Variants in TNR observed in about 807,000 individuals in gnomAD.
The protein encoded by TNR is tenascin-R.
In TNR, 45 loss-of-function variants were observed where a neutral mutation model predicts 150.4. The ratio of observed to expected loss-of-function variants is 0.30; its 90% CI spans 0.24 to 0.38. The LOEUF is 0.38. Ranked by LOEUF, TNR falls within the 10% of genes least tolerant of loss-of-function variation. The pLI, the probability that TNR is intolerant of heterozygous loss-of-function variation, is 1.00. For synonymous variants in TNR, 687 were observed against 678.4 expected (o/e 1.01, Z -0.20); for missense variants, 1,544 against 1,759.1 (o/e 0.88, Z 2.19).
intron 2 of TNR, among the ~76,000 whole-genome samples, chr1:175,459,516 A>T (rs1018291878): frequency 1.3e-5 from 2 of 152,214 alleles, no homozygotes; most frequent in African/African-American, 4.8e-5. Context: ...TATTGAGAAC[A>T]CCTTCCCCAA....
intron 1 of TNR, among the ~76,000 whole-genome samples, chr1:175,549,876 C>T (rs1660866279): frequency 6.6e-6 from 1 of 152,146 alleles, no homozygotes; most frequent in African/African-American, 2.4e-5. Context: ...CACCATGATC[C>T]CAGTCTGAGA....
rs115936530 is a variant in TNR, at chr1:175,743,011, C to T, written c.-165+215G>A. On this transcript the variant is annotated intron_variant, in intron 1 of 22. Transcript: ENST00000367674. ...ACACACACACCCGCAAGGCCAGAGT[C>T]CAATCCCCCTTTAATTCGGTAAACA... 2.9e-3 allele frequency among the ~76,000 whole-genome samples: 441 copies of T among 151,410 alleles called. 2 individuals are homozygous for T. The highest frequency in any genetic ancestry group is 0.01 in the African/African-American group (424 of 41,062).
At chr1:175,636,053 C>G (rs536082652) in intron 1 of TNR, among the ~76,000 whole-genome samples, 1 of 152,204 alleles carries the variant, frequency 6.6e-6, no homozygotes, top group South Asian at 2.1e-4. Context: ...ATCCAGGTCC[C>G]CAAACTGGAC....
rs953098665 is a variant in TNR, at chr1:175,347,218, T to G, written c.3382+7173A>C. Among the ~76,000 whole-genome samples, 15 of 152,144 alleles carry G rather than the reference T, an allele frequency of 9.9e-5. 1 individual carries two copies. The highest frequency in any genetic ancestry group is 2.9e-4 in the African/African-American group (12 of 41,444). ...AACTGATAAAAGTCATATAATAAAT[T>G]AAATAGGTATTATAAAAACCATTTG... On this transcript the variant is annotated intron_variant, in intron 18 of 22. Coordinates refer to ENST00000367674, the MANE Select transcript of TNR (RefSeq NM_003285.3).
At chr1:175,584,083 T>A (rs578143855) in intron 1 of TNR, among the ~76,000 whole-genome samples, 15 of 152,242 alleles carry the variant, frequency 9.9e-5, no homozygotes, top group Admixed American at 6.5e-4. Context: ...CTAAATTGTA[T>A]CCCTCTAAAA....
intron 1 of TNR, among the ~76,000 whole-genome samples, chr1:175,565,572 A>T (rs1366937792): frequency 6.6e-6 from 1 of 152,210 alleles, no homozygotes; most frequent in Non-Finnish European, 1.5e-5. Context: ...GGGAAATCGG[A>T]ACACTTATAC....
At chr1:175,569,809 C>A (rs1661791045) in intron 1 of TNR, among the ~76,000 whole-genome samples, 1 of 152,180 alleles carries the variant, frequency 6.6e-6, no homozygotes, top group South Asian at 2.1e-4. Flanking sequence ...ATCGGGCAGG[C>A]AGATTTACAG....
intron 1 of TNR, among the ~76,000 whole-genome samples, chr1:175,638,949 A>G (rs147112277): frequency 7.2e-5 from 11 of 152,318 alleles, no homozygotes; most frequent in African/African-American, 2.4e-4. Context: ...CCAAAATCTT[A>G]GAATCTTTCT....
At chr1:175,641,597 G>A (rs1374073180) in intron 1 of TNR, among the ~76,000 whole-genome samples, 1 of 152,200 alleles carries the variant, frequency 6.6e-6, no homozygotes, top group Admixed American at 6.5e-5. Context: ...CCACAGTGCA[G>A]TGACCCTCCT....
intron 2 of TNR, among the ~76,000 whole-genome samples, chr1:175,438,774 A>G (rs577625272): frequency 6.6e-6 from 1 of 152,228 alleles, no homozygotes; most frequent in African/African-American, 2.4e-5. Context: ...CCCATTCACA[A>G]TTGCTACAAA....
At chr1:175,574,256 A>G (rs1662010586) in intron 1 of TNR, among the ~76,000 whole-genome samples, 1 of 152,218 alleles carries the variant, frequency 6.6e-6, no homozygotes, top group South Asian at 2.1e-4. Context: ...TCGCATTCCC[A>G]AAACCTTCTC....
At chr1:175,623,363 C>T (rs1320557761) in intron 1 of TNR, among the ~76,000 whole-genome samples, 1 of 152,078 alleles carries the variant, frequency 6.6e-6, no homozygotes, top group Non-Finnish European at 1.5e-5. Flanking sequence ...TAAAAGACTC[C>T]CAGAAAACAG....
At chr1:175,352,129 C>T (rs765700072) in intron 18 of TNR, among the ~76,000 whole-genome samples, 16 of 152,160 alleles carry the variant, frequency 1.1e-4, no homozygotes, top group Non-Finnish European at 1.9e-4. Context: ...CACTGCTTGG[C>T]GCAGCTGCAT....
intron 2 of TNR, among the ~76,000 whole-genome samples, chr1:175,423,488 T>TC (rs1654842321): frequency 6.6e-6 from 1 of 152,168 alleles, no homozygotes; most frequent in Non-Finnish European, 1.5e-5. Context: ...GATCAGTGAC[T>TC]CCCAGGGAAT....
At chr1:175,656,817 G>A (rs1207592736) in intron 1 of TNR, among the ~76,000 whole-genome samples, 1 of 152,128 alleles carries the variant, frequency 6.6e-6, no homozygotes, top group Non-Finnish European at 1.5e-5. Context: ...GGTTGTATGA[G>A]CTTGAAGTTT....
In TNR at chr1:175,695,915, T is replaced by C. The variant is rs560369672; in HGVS notation, c.-165+47311A>G. 1.4e-4 allele frequency among the ~76,000 whole-genome samples: 21 copies of C among 152,272 alleles called. No individual in the cohort carries two copies. In the South Asian group the frequency reaches 4.4e-3, roughly 32 times the overall value. On this transcript the variant is annotated intron_variant, in intron 1 of 22. Transcript: ENST00000367674. ...CTCTGTGTTCCCAGTGCCTATACAA[T>C]ATAGTCATTGAATACATAATTGTTG...
At chr1:175,570,262 C>A in intron 1 of TNR, among the ~76,000 whole-genome samples, 2 of 152,240 alleles carry the variant, frequency 1.3e-5, no homozygotes, top group South Asian at 4.2e-4. Flanking sequence ...AATTTCAGGC[C>A]GAGGGGCAGG....
chr1:175,620,810 G>A (rs562839822), intron 1 of TNR, among the ~76,000 whole-genome samples: 19 of 152,062 alleles, frequency 1.2e-4, no homozygotes, highest in East Asian at 1.2e-3. Flanking sequence ...ATGGAAGCTC[G>A]ATCTCAAATG....
intron 2 of TNR, among the ~76,000 whole-genome samples, chr1:175,508,701 C>T (rs1388638348): frequency 3.3e-5 from 5 of 152,192 alleles, no homozygotes; most frequent in Admixed American, 6.5e-5. Flanking sequence ...GAGATGACTG[C>T]ATCCCCAGCT....
Sources: gnomAD v4.1 joint callset for allele counts (sites outside exome capture counted in the v4.1 genomes callset) on GRCh38, gnomAD v4.1.1 for gene constraint, MANE v1.5 for transcripts, NCBI Gene and HGNC (gene_info 2026-07-23, HGNC 2026-07-21) for gene names.